PHACTR2: variants seen among roughly 807,000 people sequenced by gnomAD.
PHACTR2 encodes the protein phosphatase and actin regulator 2.
Under a neutral mutation model 76.0 loss-of-function variants are expected in PHACTR2, and 30 were observed. The observed-to-expected ratio is 0.39, with a 90% CI of 0.30 to 0.54. The LOEUF is 0.54. Among genes scored for constraint, PHACTR2 ranks in the 20% least tolerant of loss-of-function variants. The pLI is 0.61. For missense variants in PHACTR2, 696 were observed against 781.1 expected, an observed-to-expected ratio of 0.89 and a Z score of 1.30; for synonymous variants, 292 against 292.5, an observed-to-expected ratio of 1.00 and a Z score of 0.02.
rs187199177 is a variant in PHACTR2 at position 143,663,100 on chromosome 6, G to A, written c.14-48916G>A. Among the ~76,000 whole-genome samples the A allele has an allele frequency of 7.2e-5, 11 of 152,126 alleles. No homozygotes were observed. The highest frequency in any genetic ancestry group is 7.2e-4 in the Admixed American group (11 of 15,256). On this transcript the variant is annotated intron_variant, in intron 1 of 11. Transcript: ENST00000305766. The surrounding 1 kb of genome is among the most constrained non-coding windows in gnomAD (Gnocchi z 4.1). ...GTGTATTTGTACCACGTTTTCTCTA[G>A]CCAGGCCCCCACTAATGAGCACCTA...
intron 4 of PHACTR2, among the ~76,000 whole-genome samples, chr6:143,758,388 TG>T (rs1300041755): frequency 6.6e-6 from 1 of 152,200 alleles, no homozygotes. Context: ...GGTATTATAC[TG>T]GGGGCTAAAG....
chr6:143,575,071 A>G (rs566174015), intron 1 of PHACTR2, among the ~76,000 whole-genome samples: 1 of 152,350 alleles, frequency 6.6e-6, no homozygotes, highest in South Asian at 2.1e-4. Context: ...AAGAGATGAT[A>G]AACAAAAAAT....
At position 143,580,462 on chromosome 6, in the gene PHACTR2, G is replaced by A. The variant is rs1333345707; in HGVS notation, c.217+43255G>A. The stretch of plus-strand genomic sequence containing the variant: ...ATCGTGCCACTGCACTCCAGCCTGG[G>A]CGACAGAGCGAGACTCCGTCTCAAA... On this transcript the variant is annotated intron_variant, in intron 1 of 11. Transcript: ENST00000367584. The surrounding 1 kb of genome is among the most constrained non-coding windows in gnomAD (Gnocchi z 4.2). Among the ~76,000 whole-genome samples, 1 of 152,130 alleles carries A rather than the reference G, an allele frequency of 6.6e-6. No homozygotes were observed. The highest frequency in any genetic ancestry group is 2.4e-5 in the African/African-American group (1 of 41,424).
At position 143,783,331 on chromosome 6, in the gene PHACTR2, TAA is replaced by T; in HGVS notation, c.1707+59_1707+60del. On this transcript the variant is annotated intron_variant, in intron 10 of 12. Transcript: ENST00000440869. The surrounding 1 kb of genome is among the most constrained non-coding windows in gnomAD (Gnocchi z 5.2). ...GCATATGTGTTTTGAGATATACTTT[TAA>T]AAAAAAATACTAATCCTCTCTGTAT... The T allele has an allele frequency of 9.5e-7, 1 of 1,057,960 alleles. No individual in the cohort carries two copies. Among genetic ancestry groups the T allele is most frequent in the Non-Finnish European group, 1.4e-6 (1 of 692,336 alleles). The allele number at this position is 1,057,960 out of a possible 1,614,324, so 65.5% of individuals were successfully genotyped here.
chr6:143,620,258 G>A lies in PHACTR2; in HGVS notation c.13+11936G>A, dbSNP rs138998584. Among the ~76,000 whole-genome samples, 179 of 152,194 alleles carry A rather than the reference G, an allele frequency of 1.2e-3. 2 individuals are homozygous for A. Among genetic ancestry groups the A allele is most frequent in the African/African-American group, 4.1e-3 (169 of 41,520 alleles). On this transcript the variant is annotated intron_variant, in intron 1 of 11. Coordinates refer to the PHACTR2 transcript ENST00000305766. ...CAGCCCTAATGCTCCATAAACAAAG[G>A]TGTCTCTTATACTAACAGATGTGGG...
rs922760843 is a variant in PHACTR2 at position 143,578,132 on chromosome 6, C to A, written c.217+40925C>A. ...AGTCCAAATGCAAAGAGGGAAGGAGCTTCATTTACTGTTGTTCCTTCACAA... is the reference window on the plus strand; with the variant it reads ...AGTCCAAATGCAAAGAGGGAAGGAGATTCATTTACTGTTGTTCCTTCACAA... On this transcript the variant is annotated intron_variant, in intron 1 of 11. Transcript: ENST00000367584. This position sits in a 1 kb window ranked among gnomAD's most constrained non-coding sequence, Gnocchi z 4.5. Among the ~76,000 whole-genome samples the A allele has an allele frequency of 6.6e-6, 1 of 152,190 alleles. No individual in the cohort carries two copies. Among genetic ancestry groups the A allele is most frequent in the Non-Finnish European group, 1.5e-5 (1 of 68,032 alleles).
rs929851276 is a variant in PHACTR2 at position 143,546,381 on chromosome 6, C to G, written c.217+9174C>G. On this transcript the variant is annotated intron_variant, in intron 1 of 11. Coordinates refer to the PHACTR2 transcript ENST00000367584. The surrounding 1 kb of genome is among the most constrained non-coding windows in gnomAD (Gnocchi z 4.9). ...TTAAAAAAAAAAAAAAACATGTTAT[C>G]TCTCTCTAGAACTTTGGACTGTGGC... 6.6e-6 allele frequency among the ~76,000 whole-genome samples: 1 copy of G among 151,338 alleles called. No homozygotes were observed. Among genetic ancestry groups the G allele is most frequent in the East Asian group, 1.9e-4 (1 of 5,154 alleles).
In PHACTR2 at chr6:143,780,514, CA is replaced by C. The variant is rs1357452447; in HGVS notation, c.1646-2698del. Among the ~76,000 whole-genome samples, 1 of 152,134 alleles carries C rather than the reference CA, an allele frequency of 6.6e-6. No homozygotes were observed. Among genetic ancestry groups the C allele is most frequent in the African/African-American group, 2.4e-5 (1 of 41,434 alleles). ...AAAAGCAGAAAGAAAAACAAATCCA[CA>C]AAAAAATTTGGCTTTTTGAACCCAT... is the stretch of plus-strand genomic sequence containing the variant. On this transcript the variant is annotated intron_variant, in intron 9 of 12. Transcript: ENST00000440869. This position sits in a 1 kb window ranked among gnomAD's most constrained non-coding sequence, Gnocchi z 4.4.
chr6:143,572,950 T>C (rs897069225), intron 1 of PHACTR2, among the ~76,000 whole-genome samples: 13 of 152,258 alleles, frequency 8.5e-5, no homozygotes, highest in African/African-American at 3.1e-4. Context: ...CTGTGGAAGT[T>C]TGGTCATCAT....
intron 1 of PHACTR2, among the ~76,000 whole-genome samples, chr6:143,706,254 G>A (rs1187883195): frequency 6.6e-6 from 1 of 152,128 alleles, no homozygotes; most frequent in East Asian, 1.9e-4. Flanking sequence ...GTAAGGAGGT[G>A]GTGCTTGCCT....
intron 10 of PHACTR2, among the ~76,000 whole-genome samples, chr6:143,788,287 C>A (rs1463226887): frequency 6.6e-6 from 1 of 152,114 alleles, no homozygotes; most frequent in Non-Finnish European, 1.5e-5. Flanking sequence ...GTAGGCACAC[C>A]CTTTATTGGA....
intron 2 of PHACTR2, among the ~76,000 whole-genome samples, chr6:143,747,993 C>T (rs887735223): frequency 2.0e-5 from 3 of 152,182 alleles, no homozygotes; most frequent in African/African-American, 7.2e-5. Context: ...CAGGCATTTA[C>T]ATTTGTTCCA....
intron 1 of PHACTR2, among the ~76,000 whole-genome samples, chr6:143,594,345 C>T: frequency 6.6e-6 from 1 of 152,166 alleles, no homozygotes; most frequent in East Asian, 1.9e-4. Flanking sequence ...ATCCCCCCAC[C>T]ACACTATGAT....
At chr6:143,650,564 A>G (rs975609818) in intron 1 of PHACTR2, among the ~76,000 whole-genome samples, 2 of 152,232 alleles carry the variant, frequency 1.3e-5, no homozygotes, top group Admixed American at 1.3e-4. Flanking sequence ...CAAACCTGAC[A>G]AAAACAAACA....
At chr6:143,555,655 G>A (rs1775163305) in intron 1 of PHACTR2, among the ~76,000 whole-genome samples, 1 of 151,782 alleles carries the variant, frequency 6.6e-6, no homozygotes, top group Non-Finnish European at 1.5e-5. Context: ...CTGGCCATAG[G>A]CAAATAAAAT....
rs1775287658 is a variant in PHACTR2 at position 143,562,129 on chromosome 6, C to A, written c.217+24922C>A. On this transcript the variant is annotated intron_variant, in intron 1 of 11. Coordinates refer to the PHACTR2 transcript ENST00000367584. The surrounding 1 kb of genome is among the most constrained non-coding windows in gnomAD (Gnocchi z 5.1). The stretch of plus-strand genomic sequence containing the variant: ...TGTTCTTCCCTTTGTGACCTCGTAG[C>A]CTTGTCACAGTGCTCTCTGTTGTGT... The A allele has an allele frequency of 6.6e-6, 1 of 152,268 alleles. No individual in the cohort carries two copies. The highest frequency in any genetic ancestry group is 6.5e-5 in the Admixed American group (1 of 15,276). The allele number at this position is 152,268 out of a possible 1,614,324, so 9.4% of individuals were successfully genotyped here.
chr6:143,567,692 C>T (rs1252705436), intron 1 of PHACTR2, among the ~76,000 whole-genome samples: 3 of 152,198 alleles, frequency 2.0e-5, no homozygotes, highest in Non-Finnish European at 4.4e-5. Flanking sequence ...AGCCACCGCC[C>T]CCTATCTTTG....
intron 2 of PHACTR2, among the ~76,000 whole-genome samples, chr6:143,725,140 G>A (rs1269515443): frequency 6.7e-6 from 1 of 149,630 alleles, no homozygotes; most frequent in Non-Finnish European, 1.5e-5. Flanking sequence ...TTGCATAATC[G>A]CTACCACAGT....
In PHACTR2 at chr6:143,807,005, C is replaced by A; in HGVS notation, c.1846-52C>A. 1.1e-6 allele frequency: 1 copy of A among 951,020 alleles called. No homozygotes were observed. Among genetic ancestry groups the A allele is most frequent in the Non-Finnish European group, 1.7e-6 (1 of 602,058 alleles). 58.9% of individuals were successfully genotyped at this position (951,020 alleles called of 1,614,324 possible). ...TTCATTGATGCTGTATATACTGGGG[C>A]AATATATGACCTAAATAACAGTTCT... On this transcript the variant is annotated intron_variant, in intron 11 of 12. Coordinates refer to ENST00000440869, the MANE Select transcript of PHACTR2 (RefSeq NM_001100164.2). The surrounding 1 kb of genome is among the most constrained non-coding windows in gnomAD (Gnocchi z 5.5).
Sources: allele counts gnomAD v4.1 joint callset (sites outside exome capture counted in the v4.1 genomes callset), GRCh38; gene constraint gnomAD v4.1.1; non-coding constraint Gnocchi (gnomAD v3.1); transcripts MANE v1.5; gene names NCBI Gene and HGNC (gene_info 2026-07-23, HGNC 2026-07-21).